The following CHST12 variants were observed in gnomAD, a reference collection of about 807,000 sequenced individuals.
The protein encoded by CHST12 is carbohydrate (chondroitin 4) sulfotransferase 12.
CHST12 carries 23 observed loss-of-function variants against 27.9 expected under a neutral mutation model. That is an observed-to-expected ratio of 0.82 (90% CI 0.59 to 1.17). CHST12 has a LOEUF of 1.17. CHST12 is among the 50% of genes most tolerant of loss of function. The pLI is 0.00. For missense variants in CHST12, 682 were observed against 603.0 expected (o/e 1.13, Z -1.37); for synonymous variants, 322 against 273.0 (o/e 1.18, Z -1.77).
chr7:2,425,691 C>CTTTTTTTTTTTTTTTTTTTTTTTTTTTT (rs760502452), intron 1 of CHST12, among the ~76,000 whole-genome samples: 4 of 137,874 alleles, frequency 2.9e-5, no homozygotes, highest in African/African-American at 8.1e-5. Context: ...ACTGCATTTG[C>CTTTTTTTTTTTTTTTTTTTTTTTTTTTT]TTTTTTTTTT....
At chr7:2,410,130 C>T (rs564566179) in intron 1 of CHST12, among the ~76,000 whole-genome samples, 1 of 152,294 alleles carries the variant, frequency 6.6e-6, no homozygotes, top group Non-Finnish European at 1.5e-5. Context: ...ACATACCGAC[C>T]AGTAGAGAGA....
intron 1 of CHST12, 56 bp downstream of exon 1, chr7:2,403,729 G>C (rs1298246651): frequency 6.6e-6 from 1 of 152,404 alleles, no homozygotes; most frequent in African/African-American, 2.4e-5. Context: ...CTCTCGGCCA[G>C]TGCTGGGCTC....
rs1782435452 is a variant in CHST12, at chr7:2,434,885, C to G, written c.*1001C>G. The stretch of plus-strand genomic sequence containing the variant: ...GGAAGATCACTTGAGCCCAGGAGTT[C>G]AAGACCAGCTTGGGCAACATAGCAA... On this transcript the variant is annotated 3_prime_UTR_variant, in exon 2 of 2. Transcript: ENST00000618655. The G allele has an allele frequency of 6.6e-6, 1 of 152,126 alleles. No homozygotes were observed. Among genetic ancestry groups the G allele is most frequent in the African/African-American group, 2.4e-5 (1 of 41,370 alleles). The allele number at this position is 152,126 out of a possible 1,614,324, so 9.4% of individuals were successfully genotyped here. A position where few individuals can be genotyped will look rare whatever the true frequency, so the allele number is the denominator to read the frequency against.
rs989126207 is a variant in CHST12 at position 2,434,040 on chromosome 7, A to AT, written c.*159dup. On this transcript the variant is annotated 3_prime_UTR_variant, in exon 2 of 2. Coordinates refer to ENST00000618655, the MANE Select transcript of CHST12 (RefSeq NM_018641.5). The stretch of plus-strand genomic sequence containing the variant: ...CGATATTGTTTTTTAAGATTAATAT[A>AT]TTTCAGGTATTTAATACGAAATGTG... The AT allele has an allele frequency of 1.8e-6, 1 of 560,848 alleles. No individual in the cohort carries two copies. The highest frequency in any genetic ancestry group is 1.9e-5 in the African/African-American group (1 of 53,120). 34.7% of individuals were successfully genotyped at this position (560,848 alleles called of 1,614,324 possible).
In CHST12 at chr7:2,433,470, G is replaced by A; in HGVS notation, c.831G>A (p.Leu277=). Residue 277 remains leucine, a synonymous_variant, in exon 2 of 2, where the codon CTG becomes CTA. Transcript: ENST00000618655. This position sits in a 1 kb window ranked among gnomAD's most constrained non-coding sequence, Gnocchi z 6.1. ...YRKFAVPMLR[L]YANHTSLPAS... ...AGTTCGCCGTGCCCATGCTGCGGCT[G>A]TACGCCAACCACACCAGCCTGCCCG... 6.2e-7 allele frequency: 1 copy of A among 1,611,092 alleles called. No homozygotes were observed. Among genetic ancestry groups the A allele is most frequent in the Non-Finnish European group, 8.5e-7 (1 of 1,179,936 alleles).
Position 2,435,775 on chromosome 7 carries a change from C to G in CHST12, c.*1891C>G, listed in dbSNP as rs1244057305. ...CTCAGGTGTCCCCTGTGTTAGACAC[C>G]TCCTGCCTTCCTTTCTGAAGCTTCG... On this transcript the variant is annotated 3_prime_UTR_variant, in exon 2 of 2. Coordinates refer to ENST00000618655, the MANE Select transcript of CHST12 (RefSeq NM_018641.5). The G allele has an allele frequency of 6.6e-6, 1 of 152,288 alleles. No homozygotes were observed. Among genetic ancestry groups the G allele is most frequent in the South Asian group, 2.1e-4 (1 of 4,830 alleles). 9.4% of individuals were successfully genotyped at this position (152,288 alleles called of 1,614,324 possible). A position where few individuals can be genotyped will look rare whatever the true frequency, so the allele number is the denominator to read the frequency against.
At chr7:2,406,320 T>C (rs1781521659) in intron 1 of CHST12, among the ~76,000 whole-genome samples, 1 of 144,714 alleles carries the variant, frequency 6.9e-6, no homozygotes, top group Admixed American at 7.5e-5. Flanking sequence ...TTAGAAACTT[T>C]AAAGATATTT....
Position 2,444,164 on chromosome 7 carries a change from G to C in CHST12, c.*10280G>C, listed in dbSNP as rs1281423064. 1 of 148,774 alleles carries C rather than the reference G, an allele frequency of 6.7e-6. No individual in the cohort carries two copies. Among genetic ancestry groups the C allele is most frequent in the East Asian group, 2.0e-4 (1 of 5,084 alleles). 9.2% of individuals were successfully genotyped at this position (148,774 alleles called of 1,614,324 possible). ...CCGGGCGTAGTGGCGGGCGCCTGTA[G>C]TCCCAGCTACTTGGGAGGCTGAGGC... On this transcript the variant is annotated 3_prime_UTR_variant, in exon 2 of 2. Coordinates refer to ENST00000618655, the MANE Select transcript of CHST12 (RefSeq NM_018641.5).
At chr7:2,427,191 GAA>G (rs111322778) in intron 1 of CHST12, among the ~76,000 whole-genome samples, 1 of 144,808 alleles carries the variant, frequency 6.9e-6, no homozygotes, top group Non-Finnish European at 1.5e-5. Context: ...TCTCACAAAA[GAA>G]AAAAGAGAGA....
At position 2,434,086 on chromosome 7, in the gene CHST12, A is replaced by C; in HGVS notation, c.*202A>C. The C allele has an allele frequency of 2.2e-6, 1 of 459,774 alleles. No individual in the cohort carries two copies. Among genetic ancestry groups the C allele is most frequent in the Non-Finnish European group, 3.9e-6 (1 of 256,490 alleles). The allele number at this position is 459,774 out of a possible 1,614,324, so 28.5% of individuals were successfully genotyped here. On this transcript the variant is annotated 3_prime_UTR_variant, in exon 2 of 2. Coordinates refer to ENST00000618655, the MANE Select transcript of CHST12 (RefSeq NM_018641.5). ...ATGTGGAAGGGAATGCTGGAGTAAA[A>C]TATCCCCTCTCCCCTCCGCCCGCCC...
rs180768372 is a variant in CHST12, at chr7:2,429,371, C to T, written c.-77-3192C>T. On this transcript the variant is annotated intron_variant, in intron 1 of 1. Transcript: ENST00000618655. ...GATTACAAGCGTGAGCCACGACGCC[C>T]GGCCTCTTTTTTTTTGTACTTATTT... 1.6e-3 allele frequency among the ~76,000 whole-genome samples: 245 copies of T among 152,194 alleles called. 5 individuals are homozygous for T. The South Asian group carries it at 0.032, about 20-fold the overall frequency.
intron 1 of CHST12, among the ~76,000 whole-genome samples, chr7:2,414,691 A>G (rs1358866206): frequency 1.3e-5 from 2 of 152,166 alleles, no homozygotes; most frequent in Non-Finnish European, 2.9e-5. Context: ...ATCCCAACAA[A>G]TCTTTGCCTT....
intron 1 of CHST12, among the ~76,000 whole-genome samples, chr7:2,422,006 GCTT>G (rs1781986434): frequency 6.6e-6 from 1 of 152,178 alleles, no homozygotes; most frequent in South Asian, 2.1e-4. Flanking sequence ...TATATGTAAT[GCTT>G]CTTGGCTGAA....
At chr7:2,419,471 C>G (rs909034310) in intron 1 of CHST12, among the ~76,000 whole-genome samples, 2 of 150,654 alleles carry the variant, frequency 1.3e-5, no homozygotes, top group African/African-American at 2.4e-5. Context: ...CTTTGAGAGG[C>G]CAAGGCAGGT....
chr7:2,419,073 C>T (rs760626176), intron 1 of CHST12, among the ~76,000 whole-genome samples: 14 of 152,194 alleles, frequency 9.2e-5, no homozygotes, highest in Non-Finnish European at 4.4e-5. Context: ...GCTGGGATCA[C>T]AGGCATGAAC....
chr7:2,430,730 G>T (rs1782251467), intron 1 of CHST12, among the ~76,000 whole-genome samples: 1 of 150,904 alleles, frequency 6.6e-6, no homozygotes, highest in Non-Finnish European at 1.5e-5. Flanking sequence ...GGGATTACAG[G>T]CATGAGCCAC....
chr7:2,431,845 T>C (rs1782276771), intron 1 of CHST12, among the ~76,000 whole-genome samples: 1 of 152,068 alleles, frequency 6.6e-6, no homozygotes, highest in Non-Finnish European at 1.5e-5. Flanking sequence ...TTTCCTGTTG[T>C]TGGGTCACTG....
Position 2,433,498 on chromosome 7 carries a change from T to A in CHST12, c.859T>A (p.Ser287Thr), listed in dbSNP as rs1178165329. The change falls in exon 2 of 2, where the codon TCG (serine) becomes ACG (threonine). Residue 287 changes from serine to threonine, a missense_variant. Transcript: ENST00000618655. The surrounding 1 kb of genome is among the most constrained non-coding windows in gnomAD (Gnocchi z 6.1). ...CGCCAACCACACCAGCCTGCCCGCCTCGGCGCGCGAGGCCTTCCGCGCTGG... is the reference window on the plus strand; with the variant it reads ...CGCCAACCACACCAGCCTGCCCGCCACGGCGCGCGAGGCCTTCCGCGCTGG... ...LYANHTSLPA[S>T]AREAFRAGLK... 6.2e-7 allele frequency: 1 copy of A among 1,611,834 alleles called. No homozygotes were observed. Among genetic ancestry groups the A allele is most frequent in the East Asian group, 2.2e-5 (1 of 44,864 alleles).
At chr7:2,408,473 C>A (rs1025595419) in intron 1 of CHST12, among the ~76,000 whole-genome samples, 1 of 151,740 alleles carries the variant, frequency 6.6e-6, no homozygotes, top group African/African-American at 2.4e-5. Flanking sequence ...ACAAATAGGT[C>A]ATCACAGGTC....
Sources: gnomAD v4.1 joint callset for allele counts (sites outside exome capture counted in the v4.1 genomes callset) on GRCh38, gnomAD v4.1.1 for gene constraint, Gnocchi (gnomAD v3.1) non-coding constraint, MANE v1.5 for transcripts, NCBI Gene and HGNC (gene_info 2026-07-23, HGNC 2026-07-21) for gene names.